The following ATAD3C variants were observed in gnomAD, a reference collection of about 807,000 sequenced individuals.
ATAD3C encodes the protein ATPase family AAA domain containing 3C.
ATAD3C carries 38 observed loss-of-function variants against 46.3 expected under a neutral mutation model. The observed-to-expected ratio is 0.82, with a 90% CI of 0.63 to 1.08. ATAD3C has a LOEUF of 1.08. Ranked by LOEUF, ATAD3C falls within the 50% of genes least tolerant of loss-of-function variation. The pLI is 0.00. For missense variants in ATAD3C, 563 were observed against 572.7 expected (o/e 0.98, Z 0.17); for synonymous variants, 220 against 236.4 (o/e 0.93, Z 0.63).
In ATAD3C at chr1:1,457,138, C is replaced by T; in HGVS notation, c.699C>T (p.Leu233=). Residue 233 remains leucine, a synonymous_variant, in exon 8 of 12, where the codon CTC becomes CTT. Transcript: ENST00000378785. ...TCCCTCTCGTCCACAGCCTCCTGCT[C>T]TTTGTGGATGAAGCGGACGCCTTCC... ...WANTSRRGLL[L]FVDEADAFLR... is the part of the protein sequence containing the mutation. 1.9e-6 allele frequency: 3 copies of T among 1,613,548 alleles called. No individual in the cohort carries two copies. The highest frequency in any genetic ancestry group is 2.5e-6 in the Non-Finnish European group (3 of 1,179,652).
chr1:1,468,341 G>C (rs565505346), intron 11 of ATAD3C, 43 bp from the exon 12 acceptor site: 3 of 1,580,450 alleles, frequency 1.9e-6, no homozygotes, highest in Non-Finnish European at 2.6e-6. Context: ...TGGGGTGGGG[G>C]GTTCCCATGG....
chr1:1,454,811 A>G (rs1638925993), intron 4 of ATAD3C, among the ~76,000 whole-genome samples: 1 of 151,800 alleles, frequency 6.6e-6, no homozygotes, highest in African/African-American at 2.4e-5. Context: ...GCTACAGGCC[A>G]CAGTGTCTGG....
chr1:1,457,963 A>G (rs527850817), intron 8 of ATAD3C, among the ~76,000 whole-genome samples: 1 of 151,214 alleles, frequency 6.6e-6, no homozygotes, highest in Admixed American at 6.6e-5. Context: ...GGTGTGAGCC[A>G]CTGCACCCGG....
intron 1 of ATAD3C, 53 bp from the exon 2 acceptor site, chr1:1,451,993 G>C: frequency 1.2e-6 from 2 of 1,604,346 alleles, no homozygotes; most frequent in Non-Finnish European, 1.7e-6. Flanking sequence ...GATTGGTGTT[G>C]AGCATTTTTC....
At chr1:1,467,825 G>C (rs1639169000) in intron 11 of ATAD3C, among the ~76,000 whole-genome samples, 2 of 152,074 alleles carry the variant, frequency 1.3e-5, no homozygotes, top group African/African-American at 4.8e-5. Context: ...CTGGACCTGA[G>C]GCTGCCTGAA....
In ATAD3C at chr1:1,452,346, A is replaced by G. The variant is rs9793066; in HGVS notation, c.153-19A>G. The G allele has an allele frequency of 0.19, 308,612 of 1,613,272 alleles. 38,548 individuals are homozygous for G. Among genetic ancestry groups the G allele is most frequent in the Admixed American group, 0.43 (25,925 of 59,956 alleles). On this transcript the variant is annotated intron_variant, in intron 2 of 11. Transcript: ENST00000378785. Reference sequence around the variant, plus strand: ...GGGTCTTTGTTTCCCTCCTGGTCACACCACTGCTTTCCCCACAGGGCGGCT... The same window carrying G: ...GGGTCTTTGTTTCCCTCCTGGTCACGCCACTGCTTTCCCCACAGGGCGGCT...
chr1:1,458,854 C>T (rs2100482721), intron 8 of ATAD3C, among the ~76,000 whole-genome samples: 1 of 151,924 alleles, frequency 6.6e-6, no homozygotes, highest in East Asian at 1.9e-4. Flanking sequence ...TCCCACGTAG[C>T]TGGGACCACA....
chr1:1,468,576 C>T lies in ATAD3C; in HGVS notation c.*46C>T. 6.3e-7 allele frequency: 1 copy of T among 1,577,566 alleles called. No individual in the cohort carries two copies. The highest frequency in any genetic ancestry group is 8.6e-7 in the Non-Finnish European group (1 of 1,165,500). Reference sequence around the variant, plus strand: ...TCACGGAGCCTGGCCGCGGACCCCTCCCACCCCTGCCTTTGCGGCCCCGCA... The same window carrying T: ...TCACGGAGCCTGGCCGCGGACCCCTTCCACCCCTGCCTTTGCGGCCCCGCA... On this transcript the variant is annotated 3_prime_UTR_variant, in exon 12 of 12. Coordinates refer to ENST00000378785, the MANE Select transcript of ATAD3C (RefSeq NM_001039211.3).
At chr1:1,455,734 C>T in intron 5 of ATAD3C, 57 bp from the exon 6 acceptor site, 1 of 1,606,036 alleles carries the variant, frequency 6.2e-7, no homozygotes, top group Non-Finnish European at 8.5e-7. Context: ...CAGCCCCTGC[C>T]CCCGAGGCTT....
chr1:1,463,969 C>T (rs987933364), intron 11 of ATAD3C, among the ~76,000 whole-genome samples: 1 of 151,212 alleles, frequency 6.6e-6, no homozygotes, highest in Non-Finnish European at 1.5e-5. Context: ...TGCTGGGAGG[C>T]CAAGGAGAGA....
In ATAD3C at chr1:1,456,228, C is replaced by T. The variant is rs1289437372; in HGVS notation, c.568C>T (p.Leu190Phe). The change falls in exon 7 of 12, where the codon CTC becomes TTC. Residue 190 changes from leucine (L) to phenylalanine (F), a missense_variant. Physicochemically the swap from Leu to Phe is conservative, Grantham distance 22. Around this residue, in one of 3 missense-constraint regions of ATAD3C, gnomAD observed 27 missense variants for 76.2 expected, o/e 0.35. Coordinates refer to ENST00000378785, the MANE Select transcript of ATAD3C (RefSeq NM_001039211.3). ...GTGKTLFAKK[L>F]ALHSGMDYAI... ...TCCCCTCACTCTTCTTGTCCAGAAA[C>T]TCGCCCTGCACTCAGGCATGGACTA... The T allele has an allele frequency of 6.7e-7, 1 of 1,494,754 alleles. No homozygotes were observed. Among genetic ancestry groups the T allele is most frequent in the Non-Finnish European group, 8.7e-7 (1 of 1,143,452 alleles). The allele number at this position is 1,494,754 out of a possible 1,614,324, so 92.6% of individuals were successfully genotyped here. A position where few individuals can be genotyped will look rare whatever the true frequency, so the allele number is the denominator to read the frequency against.
At position 1,455,513 on chromosome 1, in the gene ATAD3C, G is replaced by A. The variant is rs753324734; in HGVS notation, c.432G>A (p.Val144=). 1 of 1,612,560 alleles carries A rather than the reference G, an allele frequency of 6.2e-7. No homozygotes were observed. The highest frequency in any genetic ancestry group is 8.5e-7 in the Non-Finnish European group (1 of 1,179,498). Residue 144 remains valine, a synonymous_variant, in exon 5 of 12, where the codon GTG becomes GTA. Transcript: ENST00000378785. ...CCCAGGACGTGCTGGAGGGTGTTGT[G>A]CTTAGTGTAAGTCGGTGTGCCTGGG... ...SRPQDVLEGV[V]LSPSLEARVR... is the part of the protein sequence containing the mutation.
At chr1:1,460,018 C>A (rs1266820515) in intron 9 of ATAD3C, among the ~76,000 whole-genome samples, 2 of 151,866 alleles carry the variant, frequency 1.3e-5, no homozygotes, top group Non-Finnish European at 1.5e-5. Flanking sequence ...CCCTGCTGAG[C>A]CTCCAGTGAA....
chr1:1,455,636 C>T (rs1343743024), intron 5 of ATAD3C, 117 bp downstream of exon 5: 43 of 1,571,338 alleles, frequency 2.7e-5, no homozygotes, highest in African/African-American at 4.1e-5. Flanking sequence ...TCCTGAGATG[C>T]GACTGCTTGG....
At chr1:1,458,804 C>T (rs1639009630) in intron 8 of ATAD3C, among the ~76,000 whole-genome samples, 1 of 151,526 alleles carries the variant, frequency 6.6e-6, no homozygotes, top group South Asian at 2.1e-4. Flanking sequence ...CTCGCTGCAA[C>T]CTCTGCCTCC....
chr1:1,467,606 G>A (rs1639165656), intron 11 of ATAD3C, among the ~76,000 whole-genome samples: 2 of 152,056 alleles, frequency 1.3e-5, no homozygotes, highest in Admixed American at 1.3e-4. Flanking sequence ...CCTCTGGGAG[G>A]CATAGCTGGG....
intron 4 of ATAD3C, among the ~76,000 whole-genome samples, chr1:1,455,156 G>A (rs1290311748): frequency 1.4e-5 from 2 of 139,910 alleles, no homozygotes; most frequent in Non-Finnish European, 3.0e-5. Context: ...GATGGAGCTT[G>A]CAGTAAGCAG....
rs1267941524 is a variant in ATAD3C, at chr1:1,459,254, G to A, written c.812+23G>A. 1 of 1,610,868 alleles carries A rather than the reference G, an allele frequency of 6.2e-7. No homozygotes were observed. The highest frequency in any genetic ancestry group is 8.5e-7 in the Non-Finnish European group (1 of 1,179,670). Reference sequence around the variant, plus strand: ...CAAGTGAGGGAGCCCCTCGGGTCCTGGGCCCCCGGGCAGGGCTGTGCAGCC... The same window carrying A: ...CAAGTGAGGGAGCCCCTCGGGTCCTAGGCCCCCGGGCAGGGCTGTGCAGCC... On this transcript the variant is annotated intron_variant, in intron 9 of 11. Transcript: ENST00000378785. This position sits in a 1 kb window ranked among gnomAD's most constrained non-coding sequence, Gnocchi z 4.9.
At position 1,450,826 on chromosome 1, in the gene ATAD3C, G is replaced by T. The variant is rs985094108; in HGVS notation, c.75+68G>T. ...GGGTTCGGGCGTGGAGATTGGTAGG[G>T]CTACTGCCGGTGGGTAGGGCCGGGG... is the stretch of plus-strand genomic sequence containing the variant. On this transcript the variant is annotated intron_variant, in intron 1 of 11. Coordinates refer to ENST00000378785, the MANE Select transcript of ATAD3C (RefSeq NM_001039211.3). 35 of 1,598,340 alleles carry T rather than the reference G, an allele frequency of 2.2e-5. 1 individual carries two copies. In the Admixed American group the frequency reaches 5.7e-4, roughly 26 times the overall value.
Sources: gnomAD v4.1 joint callset for allele counts (sites outside exome capture counted in the v4.1 genomes callset) on GRCh38, gnomAD v4.1.1 for gene constraint, gnomAD v4.1.1 regional missense constraint, Gnocchi (gnomAD v3.1) non-coding constraint, MANE v1.5 for transcripts, NCBI Gene and HGNC (gene_info 2026-07-23, HGNC 2026-07-21) for gene names.